MACROD2: variants seen among roughly 807,000 people sequenced by gnomAD.
The protein encoded by MACROD2 is ADP-ribose glycohydrolase MACROD2.
In MACROD2, 36 loss-of-function variants were observed where a neutral mutation model predicts 70.4. The observed-to-expected ratio is 0.51, with a 90% CI of 0.39 to 0.68. MACROD2 has a LOEUF of 0.68. MACROD2 is among the 30% of genes least tolerant of loss of function. The pLI is 0.00. For missense variants in MACROD2, 496 were observed against 538.4 expected, an observed-to-expected ratio of 0.92 and a Z score of 0.78; for synonymous variants, 172 against 178.8, an observed-to-expected ratio of 0.96 and a Z score of 0.30.
At chr20:14,224,921 C>A in intron 3 of MACROD2, among the ~76,000 whole-genome samples, 1 of 152,198 alleles carries the variant, frequency 6.6e-6, no homozygotes, top group Non-Finnish European at 1.5e-5. Flanking sequence ...ACTAGCCATT[C>A]TACCTGATAC....
Position 14,002,380 on chromosome 20 carries a change from A to G in MACROD2, c.139A>G (p.Met47Val). ...LNSILSWKEE[M>V]KGKGQNDEEN... ...CAGCATTCTATCATGGAAGGAGGAG[A>G]TGAAGGGCAAGGGCCAAAATGATGG... The change falls in exon 2 of 18, where the codon ATG becomes GTG. Residue 47 changes from methionine to valine, a missense_variant. Met to Val is a conservative substitution (Grantham distance 21, BLOSUM62 1). Coordinates refer to ENST00000684519, the MANE Select transcript of MACROD2 (RefSeq NM_001351661.2). 4.4e-6 allele frequency: 7 copies of G among 1,604,902 alleles called. No individual in the cohort carries two copies. Among genetic ancestry groups the G allele is most frequent in the Non-Finnish European group, 6.0e-6 (7 of 1,176,332 alleles).
intron 5 of MACROD2, among the ~76,000 whole-genome samples, chr20:15,129,246 T>C (rs2076088346): frequency 6.6e-6 from 1 of 152,088 alleles, no homozygotes; most frequent in African/African-American, 2.4e-5. Flanking sequence ...AAGATATACT[T>C]TGTATTATAC....
chr20:15,817,273 T>C (rs1459742620), intron 8 of MACROD2, among the ~76,000 whole-genome samples: 2 of 152,202 alleles, frequency 1.3e-5, no homozygotes, highest in Non-Finnish European at 1.5e-5. Context: ...ATCCCAATAA[T>C]AAGTGACAAG....
At chr20:14,545,355 G>C (rs1243830272) in intron 4 of MACROD2, among the ~76,000 whole-genome samples, 1 of 152,108 alleles carries the variant, frequency 6.6e-6, no homozygotes, top group African/African-American at 2.4e-5. Flanking sequence ...ACTTCCTAAA[G>C]CTGTGTGCAT....
intron 3 of MACROD2, among the ~76,000 whole-genome samples, chr20:14,424,500 T>C (rs1287495522): frequency 6.6e-6 from 1 of 152,208 alleles, no homozygotes; most frequent in Non-Finnish European, 1.5e-5. Context: ...TTTTAATATT[T>C]ATTTTTGGGG....
intron 8 of MACROD2, among the ~76,000 whole-genome samples, chr20:15,830,400 G>GTCA (rs1194273180): frequency 6.6e-6 from 1 of 152,166 alleles, no homozygotes; most frequent in African/African-American, 2.4e-5. Flanking sequence ...CTAGGCTGGT[G>GTCA]TCAATATCTA....
chr20:15,521,971 A>G (rs1481299101), intron 8 of MACROD2, among the ~76,000 whole-genome samples: 1 of 152,200 alleles, frequency 6.6e-6, no homozygotes, highest in African/African-American at 2.4e-5. Flanking sequence ...AGAACACCAG[A>G]ATGGGGTCAG....
intron 8 of MACROD2, among the ~76,000 whole-genome samples, chr20:15,838,599 C>G (rs2064138534): frequency 6.6e-6 from 1 of 152,122 alleles, no homozygotes; most frequent in Admixed American, 6.6e-5. Context: ...CAATTGTGCT[C>G]TGTTGAGAAG....
intron 4 of MACROD2, among the ~76,000 whole-genome samples, chr20:14,660,781 T>TATA (rs1298292046): frequency 5.9e-5 from 9 of 152,156 alleles, no homozygotes; most frequent in Admixed American, 2.6e-4. Flanking sequence ...AGCTCCCACT[T>TATA]ATAAGTGAGA....
intron 5 of MACROD2, among the ~76,000 whole-genome samples, chr20:15,151,130 C>G (rs2076266339): frequency 6.6e-6 from 1 of 152,074 alleles, no homozygotes; most frequent in South Asian, 2.1e-4. Context: ...AGGAGTCAGT[C>G]AGAGAGCCTT....
chr20:14,660,038 A>G (rs1986152417), intron 4 of MACROD2, among the ~76,000 whole-genome samples: 1 of 152,204 alleles, frequency 6.6e-6, no homozygotes, highest in Admixed American at 6.5e-5. Flanking sequence ...CAGTGATTTT[A>G]ATCACATTTA....
intron 3 of MACROD2, among the ~76,000 whole-genome samples, chr20:14,168,099 A>G (rs1012172682): frequency 2.0e-5 from 3 of 152,216 alleles, no homozygotes; most frequent in Non-Finnish European, 4.4e-5. Flanking sequence ...AGCTTATACA[A>G]TAGATGATTC....
rs531284602 is a variant in MACROD2, at chr20:14,075,602, C to A, written c.164-10019C>A. Among the ~76,000 whole-genome samples the A allele has an allele frequency of 4.5e-4, 69 of 152,300 alleles. 1 individual carries two copies. In the South Asian group the frequency reaches 6.0e-3, roughly 13 times the overall value. On this transcript the variant is annotated intron_variant, in intron 2 of 17. Coordinates refer to ENST00000684519, the MANE Select transcript of MACROD2 (RefSeq NM_001351661.2). ...CCATTGCTTCTGCTCCTCCTTCTCC[C>A]CTTGCCATCTTTGATTTCCCCTTTA...
chr20:15,677,915 A>C (rs1433212113), intron 8 of MACROD2, among the ~76,000 whole-genome samples: 2 of 152,078 alleles, frequency 1.3e-5, no homozygotes, highest in Non-Finnish European at 2.9e-5. Context: ...AAAATACAAA[A>C]TTAGCCAAGC....
At chr20:15,657,603 A>G (rs1198304300) in intron 8 of MACROD2, among the ~76,000 whole-genome samples, 1 of 152,174 alleles carries the variant, frequency 6.6e-6, no homozygotes, top group Non-Finnish European at 1.5e-5. Flanking sequence ...ATCAAAATTT[A>G]TATTGTGCTT....
intron 8 of MACROD2, among the ~76,000 whole-genome samples, chr20:15,787,762 G>A (rs1000423579): frequency 1.3e-5 from 2 of 151,894 alleles, no homozygotes; most frequent in Non-Finnish European, 2.9e-5. Flanking sequence ...TAAAATTTTT[G>A]TGCTATGGAA....
intron 8 of MACROD2, among the ~76,000 whole-genome samples, chr20:15,561,500 A>C (rs2048243401): frequency 6.6e-6 from 1 of 152,182 alleles, no homozygotes; most frequent in Non-Finnish European, 1.5e-5. Context: ...GCTTGGTACT[A>C]CTAGGCTAAA....
chr20:14,387,661 CA>C (rs947327717), intron 3 of MACROD2, among the ~76,000 whole-genome samples: 95 of 152,324 alleles, frequency 6.2e-4, no homozygotes, highest in African/African-American at 1.9e-3. Context: ...ACTCTAGCAC[CA>C]ACAAGCCATA....
intron 3 of MACROD2, among the ~76,000 whole-genome samples, chr20:14,296,500 T>G (rs2082428746): frequency 6.6e-6 from 1 of 151,982 alleles, no homozygotes; most frequent in African/African-American, 2.4e-5. Context: ...ACATAACTTA[T>G]GTGAATCACA....
Sources: gnomAD v4.1 joint callset for allele counts (sites outside exome capture counted in the v4.1 genomes callset) on GRCh38, gnomAD v4.1.1 for gene constraint, MANE v1.5 for transcripts, NCBI Gene and HGNC (gene_info 2026-07-23, HGNC 2026-07-21) for gene names.